Variants in ABHD12 observed in about 807,000 individuals in gnomAD.
ABHD12 encodes the protein lysophosphatidylserine lipase ABHD12.
A neutral mutation model predicts 58.3 loss-of-function variants in ABHD12; 43 were observed. The ratio of observed to expected loss-of-function variants is 0.74; its 90% CI spans 0.58 to 0.95. The LOEUF (loss-of-function observed/expected upper bound fraction) is 0.95. ABHD12 is among the 40% of genes least tolerant of loss of function. The probability of loss-of-function intolerance (pLI) is 0.00; values close to 1 mark genes in which losing one functional copy is unlikely to be tolerated. For missense variants in ABHD12, 539 were observed against 537.2 expected (o/e 1.00, Z -0.03); for synonymous variants, 219 against 211.2 (o/e 1.04, Z -0.32).
chr20:25,341,580 G>T (rs1383427208), intron 1 of ABHD12, among the ~76,000 whole-genome samples: 5 of 152,086 alleles, frequency 3.3e-5, no homozygotes, highest in African/African-American at 1.2e-4. Flanking sequence ...GATGATAATG[G>T]TACCTCCTTT....
intron 12 of ABHD12, chr20:25,295,159 C>T: frequency 1.1e-6 from 1 of 948,542 alleles, no homozygotes; most frequent in Non-Finnish European, 1.7e-6. Flanking sequence ...ACATCAGGAA[C>T]TGCAAGTCAG....
intron 1 of ABHD12, among the ~76,000 whole-genome samples, chr20:25,350,095 G>A (rs2089578496): frequency 6.6e-6 from 1 of 152,124 alleles, no homozygotes; most frequent in African/African-American, 2.4e-5. Context: ...AGTGAAATAG[G>A]AATACAGGAC....
intron 1 of ABHD12, among the ~76,000 whole-genome samples, chr20:25,352,326 T>C (rs1333473555): frequency 7.0e-6 from 1 of 143,062 alleles, no homozygotes; most frequent in Non-Finnish European, 1.5e-5. Context: ...TCTCGCTCTG[T>C]TGCCCAGGCT....
chr20:25,333,733 A>G (rs1193193054), intron 2 of ABHD12, among the ~76,000 whole-genome samples: 1 of 152,154 alleles, frequency 6.6e-6, no homozygotes, highest in East Asian at 1.9e-4. Context: ...TAGATGCAGA[A>G]AAGGCCTCTG....
chr20:25,368,365 G>A (rs920737470), intron 1 of ABHD12: 1 of 1,561,834 alleles, frequency 6.4e-7, no homozygotes, highest in African/African-American at 1.4e-5. Flanking sequence ...CAATATTCTT[G>A]CCTTCTTTCG....
chr20:25,306,866 G>C lies in ABHD12; in HGVS notation c.917C>G (p.Thr306Arg), dbSNP rs748629765. 5.0e-6 allele frequency: 8 copies of C among 1,612,684 alleles called. No individual in the cohort carries two copies. The highest frequency in any genetic ancestry group is 6.8e-6 in the Non-Finnish European group (8 of 1,178,866). ...GFDWFFLDPI[T>R]SSGIKFANDE... is the part of the protein sequence containing the mutation. Reference sequence around the variant, plus strand: ...ATTTGCAAATTTAATTCCACTACTTGTAATAGGATCAAGGAAGAACCAGTC... The same window carrying C: ...ATTTGCAAATTTAATTCCACTACTTCTAATAGGATCAAGGAAGAACCAGTC... The change falls in exon 10 of 13, where the codon ACA becomes AGA. Residue 306 changes from threonine (T) to arginine (R), a missense_variant. Physicochemically the swap from Thr to Arg is moderately conservative, Grantham distance 71. Coordinates refer to ENST00000339157, the MANE Select transcript of ABHD12 (RefSeq NM_001042472.3).
chr20:25,359,225 T>G (rs2089708760), intron 1 of ABHD12, among the ~76,000 whole-genome samples: 1 of 150,580 alleles, frequency 6.6e-6, no homozygotes, highest in Admixed American at 6.6e-5. Context: ...ATCGAGACCA[T>G]CCTGGCTAAC....
chr20:25,357,091 A>G (rs1404659162), intron 1 of ABHD12, among the ~76,000 whole-genome samples: 2 of 152,178 alleles, frequency 1.3e-5, no homozygotes, highest in Admixed American at 6.5e-5. Context: ...TCTGGGGTCA[A>G]TGCCCCCTTA....
chr20:25,316,923 C>T (rs2088973007), intron 5 of ABHD12, 125 bp downstream of exon 5: 9 of 878,728 alleles, frequency 1.0e-5, no homozygotes, highest in South Asian at 6.9e-5. Context: ...GAGGAGGACC[C>T]TGTCTCACAC....
chr20:25,351,072 A>G (rs1267820156), intron 1 of ABHD12, among the ~76,000 whole-genome samples: 1 of 152,076 alleles, frequency 6.6e-6, no homozygotes, highest in Non-Finnish European at 1.5e-5. Context: ...CTCTTAGAGT[A>G]TTGCCATATG....
At chr20:25,360,976 A>C (rs979415985) in intron 1 of ABHD12, among the ~76,000 whole-genome samples, 7 of 152,248 alleles carry the variant, frequency 4.6e-5, no homozygotes, top group Non-Finnish European at 7.3e-5. Context: ...AAGCAGAAGT[A>C]TGTTAAAGTT....
At chr20:25,357,311 T>C (rs559861513) in intron 1 of ABHD12, among the ~76,000 whole-genome samples, 22 of 152,336 alleles carry the variant, frequency 1.4e-4, no homozygotes, top group South Asian at 8.3e-4. Context: ...TCTCACCATG[T>C]TGTGTCAGAC....
At chr20:25,356,130 C>T (rs1486381148) in intron 1 of ABHD12, among the ~76,000 whole-genome samples, 1 of 152,210 alleles carries the variant, frequency 6.6e-6, no homozygotes, top group Non-Finnish European at 1.5e-5. Flanking sequence ...AGGGCATACC[C>T]TGAGTGTACT....
intron 1 of ABHD12, among the ~76,000 whole-genome samples, chr20:25,355,868 T>TC (rs2089661351): frequency 0.013 from 1 of 76 alleles, no homozygotes. Flanking sequence ...ATAAAGGGTA[T>TC]TTTTAAGAAA....
At chr20:25,315,249 G>A (rs1430843551) in intron 5 of ABHD12, among the ~76,000 whole-genome samples, 6 of 152,024 alleles carry the variant, frequency 3.9e-5, no homozygotes, top group Admixed American at 3.3e-4. Flanking sequence ...GTGTCCGGCC[G>A]CAGCTCCACT....
At chr20:25,364,078 C>A (rs1568762436) in intron 1 of ABHD12, among the ~76,000 whole-genome samples, 1 of 152,160 alleles carries the variant, frequency 6.6e-6, no homozygotes, top group Non-Finnish European at 1.5e-5. Flanking sequence ...TCCCACAGGC[C>A]TGATCATCAG....
intron 2 of ABHD12, among the ~76,000 whole-genome samples, chr20:25,330,687 A>C (rs1773152017): frequency 6.6e-6 from 1 of 152,086 alleles, no homozygotes. Flanking sequence ...CTGGGAGGCA[A>C]CCCCCAGCAA....
In ABHD12 at chr20:25,339,573, CT is replaced by C. The variant is rs776598846; in HGVS notation, c.192-223del. The stretch of plus-strand genomic sequence containing the variant: ...AGAACTCTACTGGGGGTAAGAGGAA[CT>C]TTTTTTCTTGAAAGACATAGAAATA... On this transcript the variant is annotated intron_variant, in intron 1 of 12. Transcript: ENST00000339157. 10 of 1,482,918 alleles carry C rather than the reference CT, an allele frequency of 6.7e-6. No homozygotes were observed. In the African/African-American group the frequency reaches 7.0e-5, roughly 10 times the overall value. The allele number at this position is 1,482,918 out of a possible 1,614,324, so 91.9% of individuals were successfully genotyped here. A position where few individuals can be genotyped will look rare whatever the true frequency, so the allele number is the denominator to read the frequency against.
intron 1 of ABHD12, among the ~76,000 whole-genome samples, chr20:25,370,658 C>T (rs755816682): frequency 3.9e-5 from 6 of 152,034 alleles, no homozygotes; most frequent in Non-Finnish European, 7.4e-5. Context: ...GATGGGTGTG[C>T]GACCCTGGGC....
Sources: gnomAD v4.1 joint callset for allele counts (sites outside exome capture counted in the v4.1 genomes callset) on GRCh38, gnomAD v4.1.1 for gene constraint, MANE v1.5 for transcripts, NCBI Gene and HGNC (gene_info 2026-07-23, HGNC 2026-07-21) for gene names.